The following SP100 variants were observed in gnomAD, a reference collection of about 807,000 sequenced individuals.
The protein encoded by SP100 is SP100 nuclear body protein.
SP100 carries 84 observed loss-of-function variants against 130.0 expected under a neutral mutation model. The observed-to-expected ratio is 0.65, with a 90% CI of 0.54 to 0.77. The LOEUF is 0.77. Ranked by LOEUF, SP100 falls within the 30% of genes least tolerant of loss-of-function variation. The pLI is 0.00. For missense variants in SP100, 978 were observed against 1,052.2 expected (o/e 0.93, Z 0.97); for synonymous variants, 331 against 351.7 (o/e 0.94, Z 0.66).
intron 10 of SP100, 102 bp downstream of exon 10, chr2:230,462,620 C>T: frequency 2.4e-6 from 2 of 849,086 alleles, no homozygotes; most frequent in African/African-American, 1.7e-5. Flanking sequence ...TACAATGGAT[C>T]CAGTTTATCC....
chr2:230,470,397 C>G (rs2065207062), intron 15 of SP100: 2 of 1,034,432 alleles, frequency 1.9e-6, no homozygotes, highest in African/African-American at 1.7e-5. Flanking sequence ...CCTATTAACA[C>G]TAAGATCTTA....
chr2:230,436,544 TG>T (rs2063273177), intron 2 of SP100, among the ~76,000 whole-genome samples: 1 of 152,184 alleles, frequency 6.6e-6, no homozygotes, highest in African/African-American at 2.4e-5. Flanking sequence ...GAAGGTGCCT[TG>T]GTTCCCCTTC....
Position 230,473,420 on chromosome 2 carries a change from G to T in SP100, c.1526G>T (p.Ser509Ile). The T allele has an allele frequency of 6.2e-7, 1 of 1,612,556 alleles. No homozygotes were observed. The change falls in exon 16 of 29, where the codon AGT (serine) becomes ATT (isoleucine). Residue 509 changes from serine to isoleucine, a missense_variant. Physicochemically the swap from Ser to Ile is moderately radical, Grantham distance 142. Coordinates refer to ENST00000340126, the MANE Select transcript of SP100 (RefSeq NM_001080391.2). Reference protein sequence around the residue: ...PRSQEARTESSQASDMMDTMD... With the variant: ...PRSQEARTESIQASDMMDTMD... The stretch of plus-strand genomic sequence containing the variant: ...AGCCAAGAAGCAAGGACTGAAAGTA[G>T]TCAAGCATCTGACATGATGGGTAAG...
intron 2 of SP100, among the ~76,000 whole-genome samples, chr2:230,434,091 G>A (rs2063177234): frequency 6.6e-6 from 1 of 151,610 alleles, no homozygotes; most frequent in Admixed American, 6.6e-5. Flanking sequence ...GTGGTTCCAT[G>A]CCTTCCCTAA....
chr2:230,446,112 A>T (rs1295338225), intron 4 of SP100, among the ~76,000 whole-genome samples: 1 of 151,894 alleles, frequency 6.6e-6, no homozygotes, highest in East Asian at 1.9e-4. Context: ...TTTATTTTTT[A>T]TTTATTTATG....
At chr2:230,502,529 G>C (rs2067092913) in intron 19 of SP100, among the ~76,000 whole-genome samples, 1 of 152,132 alleles carries the variant, frequency 6.6e-6, no homozygotes, top group African/African-American at 2.4e-5. Flanking sequence ...AGATTTTGTT[G>C]TAAAGATGAA....
intron 17 of SP100, among the ~76,000 whole-genome samples, chr2:230,491,674 A>C (rs531769151): frequency 2.2e-4 from 34 of 152,356 alleles, no homozygotes; most frequent in Admixed American, 9.2e-4. Flanking sequence ...GACTATCATG[A>C]GACCAGCAAA....
chr2:230,479,208 T>A (rs2150012798), intron 17 of SP100, among the ~76,000 whole-genome samples: 1 of 152,298 alleles, frequency 6.6e-6, no homozygotes, highest in South Asian at 2.1e-4. Context: ...TATTTTCAGA[T>A]TTCCTTTCTG....
Position 230,481,024 on chromosome 2 carries a change from TTGGTGGTGGTGGTGGTGGTGG to T in SP100, c.1600+6592_1600+6612del, listed in dbSNP as rs80161443. On this transcript the variant is annotated intron_variant, in intron 17 of 28. Transcript: ENST00000340126. The stretch of plus-strand genomic sequence containing the variant: ...GGTGGTAGTGTGGATAGTGGTAGTA[TTGGTGGTGGTGGTGGTGGTGG>T]TGGTGGTGGTGGTGTTGGTCCCTTC... Among the ~76,000 whole-genome samples, 10 of 144,330 alleles carry T rather than the reference TTGGTGGTGGTGGTGGTGGTGG, an allele frequency of 6.9e-5. No homozygotes were observed. The South Asian group carries it at 1.9e-3, about 27-fold the overall frequency. 94.7% of individuals were successfully genotyped at this position (144,330 alleles called of 152,430 possible).
intron 9 of SP100, 122 bp downstream of exon 9, chr2:230,461,536 G>T: frequency 1.1e-6 from 1 of 932,736 alleles, no homozygotes; most frequent in East Asian, 2.5e-5. Flanking sequence ...GGAAGGGAAA[G>T]GGGCTGGCAC....
chr2:230,449,481 G>T, intron 6 of SP100, 80 bp from the exon 7 acceptor site: 2 of 1,491,690 alleles, frequency 1.3e-6, no homozygotes, highest in Non-Finnish European at 9.3e-7. Context: ...GTCCATCAGT[G>T]GCCCGTGCTG....
intron 20 of SP100, 47 bp from the exon 21 acceptor site, chr2:230,504,139 A>G (rs1559524596): frequency 9.8e-7 from 1 of 1,019,202 alleles, no homozygotes; most frequent in Admixed American, 1.7e-5. Flanking sequence ...GGGACAATGC[A>G]CAGTTGTAAA....
intron 24 of SP100, among the ~76,000 whole-genome samples, chr2:230,528,956 G>C (rs1391862984): frequency 6.6e-6 from 1 of 152,138 alleles, no homozygotes; most frequent in Non-Finnish European, 1.5e-5. Context: ...AACCAAAAAA[G>C]TCCAGGACCA....
At chr2:230,542,149 G>A (rs188144233) in intron 28 of SP100, 114 bp downstream of exon 28, 10 of 1,105,352 alleles carry the variant, frequency 9.0e-6, no homozygotes, top group Non-Finnish European at 1.2e-5. Context: ...CATATGACAA[G>A]CCCATACAAG....
intron 8 of SP100, among the ~76,000 whole-genome samples, chr2:230,452,470 C>G (rs1488404082): frequency 6.6e-6 from 1 of 152,206 alleles, no homozygotes; most frequent in African/African-American, 2.4e-5. Flanking sequence ...GCCACTGCAC[C>G]TGGCCGCCAT....
chr2:230,443,092 T>A lies in SP100; in HGVS notation c.263T>A (p.Met88Lys). ...GATCGTGATCTCATCACAAATAAAA[T>A]GTTTGAAGTAAGTAAAGTTTATTAT... ...LRDRDLITNK[M>K]FEDSQDSCRN... is the part of the protein sequence containing the mutation. The change falls in exon 3 of 29, where the codon ATG becomes AAG. Residue 88 changes from methionine (M) to lysine (K), a missense_variant. Met to Lys is a moderately conservative substitution (Grantham distance 95). Transcript: ENST00000340126. 6.2e-7 allele frequency: 1 copy of A among 1,613,730 alleles called. No homozygotes were observed. The highest frequency in any genetic ancestry group is 8.5e-7 in the Non-Finnish European group (1 of 1,179,868).
chr2:230,470,398 T>C (rs1408213160), intron 15 of SP100: 4 of 1,033,416 alleles, frequency 3.9e-6, no homozygotes, highest in Non-Finnish European at 4.7e-6. Context: ...CTATTAACAC[T>C]AAGATCTTAG....
chr2:230,431,164 C>T (rs1163339733), intron 2 of SP100, among the ~76,000 whole-genome samples: 1 of 152,222 alleles, frequency 6.6e-6, no homozygotes, highest in Non-Finnish European at 1.5e-5. Context: ...ACCAGCATGA[C>T]AATCTCTGCA....
chr2:230,462,618 A>G, intron 10 of SP100, 100 bp downstream of exon 10: 1 of 849,136 alleles, frequency 1.2e-6, no homozygotes, highest in South Asian at 1.4e-5. Context: ...TGTACAATGG[A>G]TCCAGTTTAT....
Sources: gnomAD v4.1 joint callset for allele counts (sites outside exome capture counted in the v4.1 genomes callset) on GRCh38, gnomAD v4.1.1 for gene constraint, MANE v1.5 for transcripts, NCBI Gene and HGNC (gene_info 2026-07-23, HGNC 2026-07-21) for gene names.